The following PCDHGA7 variants were observed in gnomAD, a reference collection of about 807,000 sequenced individuals.
PCDHGA7 encodes protocadherin gamma subfamily A, 7.
A neutral mutation model predicts 58.3 loss-of-function variants in PCDHGA7; 44 were observed. That is an observed-to-expected ratio of 0.75 (90% CI 0.59 to 0.97). PCDHGA7 has a LOEUF of 0.97. Among genes scored for constraint, PCDHGA7 ranks in the 50% least tolerant of loss-of-function variants. The pLI is 0.00. For missense variants in PCDHGA7, 1,266 were observed against 1,188.7 expected, an observed-to-expected ratio of 1.06 and a Z score of -0.96; for synonymous variants, 516 against 504.2, an observed-to-expected ratio of 1.02 and a Z score of -0.31.
intron 1 of PCDHGA7, chr5:141,400,082 C>A: frequency 1.2e-6 from 2 of 1,614,016 alleles, no homozygotes; most frequent in Non-Finnish European, 1.7e-6. Flanking sequence ...CCACTCTCCG[C>A]CACCGCCACG....
At chr5:141,468,837 G>T in intron 1 of PCDHGA7, among the ~76,000 whole-genome samples, 1 of 152,108 alleles carries the variant, frequency 6.6e-6, no homozygotes, top group South Asian at 2.1e-4. Flanking sequence ...CTGCACTCCA[G>T]CCTGGGCAAC....
Position 141,418,514 on chromosome 5 carries a change from G to A in PCDHGA7, c.2424+33191G>A. Reference sequence around the variant, plus strand: ...GGTACTGACCGCCTTAGATGGTGGGGACCCTCCCCGAAGCGGTACTGCTCA... The same window carrying A: ...GGTACTGACCGCCTTAGATGGTGGGAACCCTCCCCGAAGCGGTACTGCTCA... On this transcript the variant is annotated intron_variant, in intron 1 of 3. Transcript: ENST00000518325. 1 of 1,613,996 alleles carries A rather than the reference G, an allele frequency of 6.2e-7. No homozygotes were observed.
intron 1 of PCDHGA7, chr5:141,393,317 G>C (rs927337267): frequency 6.2e-7 from 1 of 1,612,904 alleles, no homozygotes; most frequent in South Asian, 1.1e-5. Flanking sequence ...ACTCCCTCCA[G>C]AGCTACCAGC....
At chr5:141,394,744 T>C (rs755757019) in intron 1 of PCDHGA7, 1 of 1,613,408 alleles carries the variant, frequency 6.2e-7, no homozygotes, top group Non-Finnish European at 8.5e-7. Flanking sequence ...AGCCTCGTGG[T>C]GGCCGTCCAG....
rs1781091106 is a variant in PCDHGA7 at position 141,385,294 on chromosome 5, G to C, written c.2395G>C (p.Glu799Gln). ...DSLLTSVDFQ[E>Q]CKENLPSIQQ... ...TTTGCTAACATCCGTAGATTTTCAG[G>C]AATGTAAAGAAAACCTGCCAAGTAT... The change falls in exon 1 of 4, where the codon GAA (glutamate) becomes CAA (glutamine). Residue 799 changes from glutamate to glutamine, a missense_variant. Transcript: ENST00000518325. The C allele has an allele frequency of 1.2e-6, 2 of 1,613,150 alleles. No individual in the cohort carries two copies. The highest frequency in any genetic ancestry group is 1.7e-6 in the Non-Finnish European group (2 of 1,179,302).
intron 1 of PCDHGA7, chr5:141,478,942 C>G: frequency 1.7e-6 from 1 of 579,218 alleles, no homozygotes; most frequent in Non-Finnish European, 2.9e-6. Context: ...TCTAGGAATA[C>G]AAAAACTACC....
At chr5:141,410,508 G>C in intron 1 of PCDHGA7, 2 of 1,613,968 alleles carry the variant, frequency 1.2e-6, no homozygotes, top group Non-Finnish European at 8.5e-7. Flanking sequence ...TTCCTAAAAT[G>C]CAGTGTGCCC....
chr5:141,422,205 A>G (rs758255761), intron 1 of PCDHGA7: 2 of 1,562,218 alleles, frequency 1.3e-6, no homozygotes, highest in Non-Finnish European at 1.7e-6. Flanking sequence ...AAGATGGTGG[A>G]GGTCTCTTTA....
chr5:141,436,048 T>G (rs553708148), intron 1 of PCDHGA7, among the ~76,000 whole-genome samples: 1 of 152,316 alleles, frequency 6.6e-6, no homozygotes, highest in South Asian at 2.1e-4. Context: ...TACATTAGTT[T>G]TCAAATAGAA....
chr5:141,389,588 C>T (rs2091837140), intron 1 of PCDHGA7: 3 of 1,613,150 alleles, frequency 1.9e-6, no homozygotes, highest in Non-Finnish European at 2.5e-6. Flanking sequence ...TGGGTCCCGA[C>T]GGCTCTGCGC....
chr5:141,489,867 G>C lies in PCDHGA7; in HGVS notation c.2425-4940G>C. ...ATCGTGAAGCCCAGGCAAGACATCA[G>C]CTGGTGCTTACTGCTGTGGATGGGG... On this transcript the variant is annotated intron_variant, in intron 1 of 3. Transcript: ENST00000518325. This position sits in a 1 kb window ranked among gnomAD's most constrained non-coding sequence, Gnocchi z 4.5. 1 of 1,614,240 alleles carries C rather than the reference G, an allele frequency of 6.2e-7. No individual in the cohort carries two copies. Among genetic ancestry groups the C allele is most frequent in the Non-Finnish European group, 8.5e-7 (1 of 1,180,034 alleles).
At chr5:141,421,522 A>G in intron 1 of PCDHGA7, 1 of 1,614,068 alleles carries the variant, frequency 6.2e-7, no homozygotes, top group Non-Finnish European at 8.5e-7. Context: ...GCTCTGTGAG[A>G]CGGTGTCCTC....
chr5:141,409,149 C>T (rs1248646625), intron 1 of PCDHGA7: 1 of 1,613,948 alleles, frequency 6.2e-7, no homozygotes, highest in Non-Finnish European at 8.5e-7. Context: ...GAAAGGTACA[C>T]CATGGAAGTG....
Position 141,393,720 on chromosome 5 carries a change from A to T in PCDHGA7, c.2424+8397A>T, listed in dbSNP as rs371093729. ...TAATGAAAATACTGGGGAAATATCA[A>T]TAGCAAAAAGTCTAGATTATGAAGA... On this transcript the variant is annotated intron_variant, in intron 1 of 3. Transcript: ENST00000518325. 5.0e-6 allele frequency: 8 copies of T among 1,613,888 alleles called. No homozygotes were observed. The South Asian group carries it at 8.8e-5, about 18-fold the overall frequency.
intron 1 of PCDHGA7, chr5:141,398,831 C>T: frequency 6.2e-7 from 1 of 1,614,014 alleles, no homozygotes; most frequent in South Asian, 1.1e-5. Context: ...GTAACCGACG[C>T]CAATGATAAT....
intron 1 of PCDHGA7, chr5:141,478,730 G>A: frequency 6.5e-7 from 1 of 1,538,906 alleles, no homozygotes; most frequent in South Asian, 1.2e-5. Flanking sequence ...GCCAGAGTGT[G>A]GTTTGTGGTC....
At chr5:141,408,504 G>C (rs752297449) in intron 1 of PCDHGA7, 2 of 1,613,936 alleles carry the variant, frequency 1.2e-6, no homozygotes, top group Non-Finnish European at 1.7e-6. Context: ...GAGAGAAGAA[G>C]ATGTGAGTTG....
Position 141,512,106 on chromosome 5 carries a change from T to A in PCDHGA7, c.*933T>A, listed in dbSNP as rs2099884076. 6.6e-6 allele frequency: 1 copy of A among 152,630 alleles called. No homozygotes were observed. Among genetic ancestry groups the A allele is most frequent in the Non-Finnish European group, 1.5e-5 (1 of 68,060 alleles). 9.5% of individuals were successfully genotyped at this position (152,630 alleles called of 1,614,324 possible). On this transcript the variant is annotated 3_prime_UTR_variant, in exon 4 of 4. Transcript: ENST00000518325. ...TAAACCAATAACTAGGCTGGACCCT[T>A]CCCACTACATAATAGGGCTCAGCCC...
At chr5:141,410,544 G>A (rs1370251538) in intron 1 of PCDHGA7, 3 of 1,613,640 alleles carry the variant, frequency 1.9e-6, no homozygotes, top group Non-Finnish European at 2.5e-6. Flanking sequence ...GACATGGTTT[G>A]CAGTGTTTCT....
Sources: allele counts gnomAD v4.1 joint callset (sites outside exome capture counted in the v4.1 genomes callset), GRCh38; gene constraint gnomAD v4.1.1; non-coding constraint Gnocchi (gnomAD v3.1); transcripts MANE v1.5; gene names NCBI Gene and HGNC (gene_info 2026-07-23, HGNC 2026-07-21).